The following PDHX variants were observed in gnomAD, a reference collection of about 807,000 sequenced individuals.
PDHX encodes pyruvate dehydrogenase protein X component, mitochondrial.
In PDHX, 33 loss-of-function variants were observed where a neutral mutation model predicts 55.3. The ratio of observed to expected loss-of-function variants is 0.60; its 90% CI spans 0.45 to 0.80. The LOEUF is 0.80. Among genes scored for constraint, PDHX ranks in the 30% least tolerant of loss-of-function variants. The pLI is 0.00. For missense variants in PDHX, 622 were observed against 619.9 expected (o/e 1.00, Z -0.04); for synonymous variants, 226 against 219.4 (o/e 1.03, Z -0.27).
At chr11:34,970,437 C>G (rs1855233694) in intron 7 of PDHX, 151 bp downstream of exon 7, 2 of 679,172 alleles carry the variant, frequency 2.9e-6, no homozygotes, top group Admixed American at 2.8e-5. Context: ...TATATTTGTG[C>G]TAGAGGAAAA....
At chr11:34,974,312 AGGGT>A (rs1284602222) in intron 7 of PDHX, among the ~76,000 whole-genome samples, 1 of 152,166 alleles carries the variant, frequency 6.6e-6, no homozygotes, top group Non-Finnish European at 1.5e-5. Context: ...TTATGTCTTC[AGGGT>A]TCATGCATGT....
At chr11:34,943,668 A>G (rs1192746536) in intron 2 of PDHX, among the ~76,000 whole-genome samples, 2 of 152,156 alleles carry the variant, frequency 1.3e-5, no homozygotes, top group Non-Finnish European at 2.9e-5. Flanking sequence ...ATATCTTACC[A>G]GCCTAATCTC....
chr11:34,956,186 C>T (rs1590749881), intron 3 of PDHX, among the ~76,000 whole-genome samples: 1 of 143,172 alleles, frequency 7.0e-6, no homozygotes, highest in Admixed American at 7.3e-5. Flanking sequence ...CATTCCTATT[C>T]AGCTTTCTAT....
intron 8 of PDHX, among the ~76,000 whole-genome samples, chr11:34,983,295 T>C (rs1303900687): frequency 3.3e-5 from 5 of 152,168 alleles, no homozygotes; most frequent in Non-Finnish European, 7.3e-5. Context: ...GACCTATTTT[T>C]GACAAACCCA....
At chr11:34,963,148 A>T (rs987996708) in intron 5 of PDHX, among the ~76,000 whole-genome samples, 8 of 152,214 alleles carry the variant, frequency 5.3e-5, no homozygotes, top group Admixed American at 5.2e-4. Context: ...TTTTAAGTTT[A>T]TCATTAAGGT....
chr11:34,919,817 C>G (rs11032926), intron 1 of PDHX, among the ~76,000 whole-genome samples: 28,666 of 151,918 alleles, frequency 0.19, 3,826 homozygotes, highest in African/African-American at 0.39. Flanking sequence ...GCACATGGTA[C>G]CCTGCTTGGG....
At chr11:34,928,586 C>T (rs1375322098) in intron 1 of PDHX, among the ~76,000 whole-genome samples, 1 of 151,384 alleles carries the variant, frequency 6.6e-6, no homozygotes, top group Non-Finnish European at 1.5e-5. Flanking sequence ...TTCATCAAGC[C>T]ATGTAAAAAA....
At chr11:34,929,952 A>G (rs1423004888) in intron 1 of PDHX, among the ~76,000 whole-genome samples, 2 of 152,226 alleles carry the variant, frequency 1.3e-5, no homozygotes, top group African/African-American at 4.8e-5. Flanking sequence ...GCCTTCTAAG[A>G]CTGGGCTTCT....
At chr11:34,974,849 A>G (rs189730680) in intron 7 of PDHX, among the ~76,000 whole-genome samples, 2 of 152,282 alleles carry the variant, frequency 1.3e-5, no homozygotes, top group East Asian at 3.9e-4. Context: ...TGGAGGTTAC[A>G]GTGAGCTATA....
intron 1 of PDHX, among the ~76,000 whole-genome samples, chr11:34,918,379 T>A (rs1054096111): frequency 6.6e-6 from 1 of 151,924 alleles, no homozygotes; most frequent in Admixed American, 6.6e-5. Flanking sequence ...AGACGTTTCA[T>A]TGAGCTATGA....
At chr11:34,968,830 G>T (rs1450547391) in intron 6 of PDHX, among the ~76,000 whole-genome samples, 1 of 152,026 alleles carries the variant, frequency 6.6e-6, no homozygotes, top group East Asian at 1.9e-4. Flanking sequence ...AATACACTTT[G>T]AGACACACTT....
In PDHX at chr11:34,960,371, C is replaced by A. The variant is rs1028548827; in HGVS notation, c.543-49C>A. The A allele has an allele frequency of 1.4e-5, 17 of 1,182,078 alleles. No homozygotes were observed. The African/African-American group carries it at 1.7e-4, about 12-fold the overall frequency. The allele number at this position is 1,182,078 out of a possible 1,614,324, so 73.2% of individuals were successfully genotyped here. A position where few individuals can be genotyped will look rare whatever the true frequency, so the allele number is the denominator to read the frequency against. On this transcript the variant is annotated intron_variant, in intron 4 of 10. Transcript: ENST00000227868. ...TGTTGACATTTAGATCTATTTGAAT[C>A]AAATGTAAGTGTTAATTGGTTCTAT... is the stretch of plus-strand genomic sequence containing the variant.
At chr11:34,930,589 A>T (rs1397226518) in intron 1 of PDHX, among the ~76,000 whole-genome samples, 1 of 152,222 alleles carries the variant, frequency 6.6e-6, no homozygotes, top group East Asian at 1.9e-4. Flanking sequence ...CGTATTTGTT[A>T]CCATGGTATT....
At position 34,995,067 on chromosome 11, in the gene PDHX, A is replaced by G; in HGVS notation, c.1401A>G (p.Ile467Met). ...CCAAACTGCAGCAGCGCCAGCTCAT[A>G]ACAGTCACAATGTCAAGTGACAGTC... ...GNAKLQQRQL[I>M]TVTMSSDSRV... Residue 467 changes from isoleucine (I) to methionine (M), a missense_variant, in exon 11 of 11, where the codon ATA (isoleucine) becomes ATG (methionine). Physicochemically the swap from Ile to Met is conservative, Grantham distance 10. Transcript: ENST00000227868. The G allele has an allele frequency of 6.2e-7, 1 of 1,614,080 alleles. No homozygotes were observed. The highest frequency in any genetic ancestry group is 8.5e-7 in the Non-Finnish European group (1 of 1,179,954).
intron 8 of PDHX, among the ~76,000 whole-genome samples, chr11:34,981,620 G>A (rs1222661618): frequency 2.0e-5 from 3 of 152,162 alleles, no homozygotes; most frequent in Admixed American, 6.5e-5. Context: ...CCCACCAGCA[G>A]TGTAAAAGTG....
At chr11:34,939,061 A>G (rs546404874) in intron 2 of PDHX, among the ~76,000 whole-genome samples, 1 of 152,270 alleles carries the variant, frequency 6.6e-6, no homozygotes, top group South Asian at 2.1e-4. Context: ...CTTTTCATTA[A>G]CACTTATTTA....
intron 3 of PDHX, among the ~76,000 whole-genome samples, chr11:34,953,715 C>G (rs760509799): frequency 3.9e-5 from 6 of 152,182 alleles, no homozygotes; most frequent in Non-Finnish European, 8.8e-5. Context: ...GATACCATCT[C>G]TGATGTTAGA....
chr11:34,992,671 A>C (rs1156804099), intron 10 of PDHX, among the ~76,000 whole-genome samples: 6 of 152,148 alleles, frequency 3.9e-5, no homozygotes, highest in East Asian at 1.9e-4. Context: ...TAATGTCTGT[A>C]ATATTATATT....
At chr11:34,941,090 G>A (rs2133956200) in intron 2 of PDHX, among the ~76,000 whole-genome samples, 1 of 152,108 alleles carries the variant, frequency 6.6e-6, no homozygotes, top group Admixed American at 6.5e-5. Context: ...GAAGCCAGAG[G>A]GATGTGTGGG....
Sources: gnomAD v4.1 joint callset for allele counts (sites outside exome capture counted in the v4.1 genomes callset) on GRCh38, gnomAD v4.1.1 for gene constraint, MANE v1.5 for transcripts, NCBI Gene and HGNC (gene_info 2026-07-23, HGNC 2026-07-21) for gene names.